EXOC4: variants seen among roughly 807,000 people sequenced by gnomAD.
The protein encoded by EXOC4 is exocyst complex component 4, also known as SEC8-like 1.
EXOC4 carries 71 observed loss-of-function variants against 107.2 expected under a neutral mutation model. The observed-to-expected ratio is 0.66, with a 90% confidence interval of 0.55 to 0.81. The LOEUF (loss-of-function observed/expected upper bound fraction) is 0.81. EXOC4 is among the 30% of genes least tolerant of loss of function. The pLI is 0.00. For missense variants in EXOC4, 1,108 were observed against 1,189.6 expected (o/e 0.93, Z 1.01); for synonymous variants, 456 against 441.2 (o/e 1.03, Z -0.42).
chr7:134,033,360 G>C (rs1795312055), intron 17 of EXOC4, among the ~76,000 whole-genome samples: 1 of 152,162 alleles, frequency 6.6e-6, no homozygotes, highest in African/African-American at 2.4e-5. Flanking sequence ...CAAGACTTCT[G>C]GTGTGGATGT....
At chr7:133,283,259 G>A (rs1028187174) in intron 2 of EXOC4, among the ~76,000 whole-genome samples, 1 of 152,046 alleles carries the variant, frequency 6.6e-6, no homozygotes, top group Non-Finnish European at 1.5e-5. Flanking sequence ...CTTTTTTGTG[G>A]AGATGGGTTT....
chr7:133,885,208 G>T (rs1799055729), intron 11 of EXOC4, among the ~76,000 whole-genome samples: 1 of 151,970 alleles, frequency 6.6e-6, no homozygotes, highest in Non-Finnish European at 1.5e-5. Flanking sequence ...CAGCTACTCG[G>T]GAGGCTGAGG....
chr7:133,515,487 G>A (rs1048534255), intron 9 of EXOC4, among the ~76,000 whole-genome samples: 1 of 152,056 alleles, frequency 6.6e-6, no homozygotes, highest in Non-Finnish European at 1.5e-5. Flanking sequence ...GAAAGAGAGA[G>A]AGAGACTGTT....
intron 9 of EXOC4, among the ~76,000 whole-genome samples, chr7:133,564,696 G>A (rs938370258): frequency 1.3e-5 from 2 of 152,112 alleles, no homozygotes; most frequent in African/African-American, 4.8e-5. Flanking sequence ...ACCAGTAGGA[G>A]GCAGACTAAG....
At chr7:133,603,854 C>G (rs899128347) in intron 9 of EXOC4, among the ~76,000 whole-genome samples, 1 of 152,122 alleles carries the variant, frequency 6.6e-6, no homozygotes, top group Non-Finnish European at 1.5e-5. Context: ...TATTAATAAA[C>G]AGCTTACTGT....
chr7:133,603,443 C>G (rs911299285), intron 9 of EXOC4, among the ~76,000 whole-genome samples: 15 of 152,178 alleles, frequency 9.9e-5, no homozygotes, highest in Admixed American at 4.6e-4. Flanking sequence ...TTATGCACAT[C>G]ATAGAGTGTA....
At chr7:133,856,322 A>C (rs1798371649) in intron 11 of EXOC4, among the ~76,000 whole-genome samples, 1 of 152,240 alleles carries the variant, frequency 6.6e-6, no homozygotes, top group Non-Finnish European at 1.5e-5. Flanking sequence ...GTGGGAAAAT[A>C]ATATGTGTGA....
At chr7:133,515,202 C>G (rs1015424323) in intron 9 of EXOC4, among the ~76,000 whole-genome samples, 3 of 151,924 alleles carry the variant, frequency 2.0e-5, no homozygotes, top group Admixed American at 6.6e-5. Context: ...ATTGTTTGTG[C>G]AATTAGTTAA....
intron 10 of EXOC4, among the ~76,000 whole-genome samples, chr7:133,691,440 T>C (rs935129435): frequency 6.6e-6 from 1 of 152,234 alleles, no homozygotes; most frequent in African/African-American, 2.4e-5. Flanking sequence ...TACTTTGTAA[T>C]GTAATGCGTA....
intron 9 of EXOC4, among the ~76,000 whole-genome samples, chr7:133,486,625 A>C (rs1799274612): frequency 6.6e-6 from 1 of 152,220 alleles, no homozygotes; most frequent in Admixed American, 6.5e-5. Flanking sequence ...GGAACATGAA[A>C]AAAAGTACAT....
intron 2 of EXOC4, among the ~76,000 whole-genome samples, chr7:133,281,721 GGAAA>G (rs1794156348): frequency 1.1e-5 from 1 of 88,014 alleles, no homozygotes; most frequent in East Asian, 3.0e-4. Flanking sequence ...TTTTTTTTTT[GGAAA>G]GAGTCTCGCT....
chr7:133,412,230 A>T (rs1797372840), intron 7 of EXOC4, among the ~76,000 whole-genome samples: 1 of 140,900 alleles, frequency 7.1e-6, no homozygotes, highest in Non-Finnish European at 1.5e-5. Flanking sequence ...GAGTGTCCAG[A>T]TTGTACAGAA....
At chr7:133,805,369 A>G (rs938843711) in intron 10 of EXOC4, among the ~76,000 whole-genome samples, 2 of 152,268 alleles carry the variant, frequency 1.3e-5, no homozygotes, top group African/African-American at 4.8e-5. Context: ...ACTTAAAAAA[A>G]TACAGAGAGT....
At chr7:133,664,010 C>T (rs180915518) in intron 10 of EXOC4, among the ~76,000 whole-genome samples, 3 of 152,262 alleles carry the variant, frequency 2.0e-5, no homozygotes, top group Admixed American at 2.0e-4. Flanking sequence ...ACCCCTCCAG[C>T]CACACTGGCC....
chr7:134,012,019 G>A (rs894606066), intron 17 of EXOC4, among the ~76,000 whole-genome samples: 2 of 152,164 alleles, frequency 1.3e-5, no homozygotes, highest in East Asian at 3.9e-4. Flanking sequence ...AACATCTGAA[G>A]AACAGAGCAG....
chr7:134,030,249 A>G (rs991248526), intron 17 of EXOC4, among the ~76,000 whole-genome samples: 1 of 152,226 alleles, frequency 6.6e-6, no homozygotes, highest in East Asian at 1.9e-4. Flanking sequence ...AATGAAAAGC[A>G]TGTGTCCACA....
intron 10 of EXOC4, among the ~76,000 whole-genome samples, chr7:133,754,323 T>A (rs905454808): frequency 1.3e-5 from 2 of 152,186 alleles, no homozygotes; most frequent in East Asian, 3.8e-4. Flanking sequence ...TAGGTTCGAA[T>A]TTGTGGCATT....
Position 134,064,942 on chromosome 7 carries a change from A to G in EXOC4, c.*414A>G. 6.5e-6 allele frequency: 1 copy of G among 153,246 alleles called. No individual in the cohort carries two copies. The allele number at this position is 153,246 out of a possible 1,614,324, so 9.5% of individuals were successfully genotyped here. A position where few individuals can be genotyped will look rare whatever the true frequency, so the allele number is the denominator to read the frequency against. ...AAACCATTTAGTAGGGTTCTATTAC[A>G]TAAACAGTAGGGTTTTTCCTCTCCT... is the stretch of plus-strand genomic sequence containing the variant. On this transcript the variant is annotated 3_prime_UTR_variant, in exon 18 of 18. Transcript: ENST00000253861.
downstream of EXOC4, among the ~76,000 whole-genome samples, chr7:134,070,814 G>T (rs1301608821): frequency 6.6e-6 from 1 of 152,092 alleles, no homozygotes; most frequent in Non-Finnish European, 1.5e-5. Flanking sequence ...GTGTTTTCGG[G>T]TGAGTGCAGT....
Sources: allele counts gnomAD v4.1 joint callset (sites outside exome capture counted in the v4.1 genomes callset), GRCh38; gene constraint gnomAD v4.1.1; transcripts MANE v1.5; gene names NCBI Gene and HGNC (gene_info 2026-07-23, HGNC 2026-07-21).